The following DPP6 variants were observed in gnomAD, a reference collection of about 807,000 sequenced individuals.
DPP6 encodes dipeptidyl peptidase like 6.
Under a neutral mutation model 122.6 loss-of-function variants are expected in DPP6, and 69 were observed. That is an observed-to-expected ratio of 0.56 (90% CI 0.46 to 0.69). The LOEUF is 0.69. Among genes scored for constraint, DPP6 ranks in the 30% least tolerant of loss-of-function variants. DPP6 has a pLI of 0.00. For missense variants in DPP6, 928 were observed against 1,116.9 expected (o/e 0.83, Z 2.41); for synonymous variants, 418 against 433.1 (o/e 0.97, Z 0.43).
intron 1 of DPP6, among the ~76,000 whole-genome samples, chr7:154,142,934 A>G (rs1479008238): frequency 2.2e-5 from 3 of 138,444 alleles, no homozygotes; most frequent in East Asian, 2.0e-4. Flanking sequence ...AATTGGACAC[A>G]CCTTCACAGT....
At chr7:154,771,049 T>C (rs1249048392) in intron 9 of DPP6, among the ~76,000 whole-genome samples, 1 of 152,144 alleles carries the variant, frequency 6.6e-6, no homozygotes, top group African/African-American at 2.4e-5. Context: ...CATTTAAACC[T>C]CAGCATCCTA....
chr7:153,964,528 G>T (rs1288614161), intron 1 of DPP6, among the ~76,000 whole-genome samples: 1 of 152,174 alleles, frequency 6.6e-6, no homozygotes, highest in African/African-American at 2.4e-5. Context: ...CTGGGATCCA[G>T]GAGGCCTGGC....
At chr7:154,475,253 C>A (rs575156031) in intron 3 of DPP6, 63 of 524,482 alleles carry the variant, frequency 1.2e-4, no homozygotes, top group African/African-American at 9.7e-4. Flanking sequence ...TCCCGAGCAT[C>A]CACACAGCCT....
intron 3 of DPP6, among the ~76,000 whole-genome samples, chr7:154,498,504 A>C (rs1824949392): frequency 6.6e-6 from 1 of 151,954 alleles, no homozygotes; most frequent in African/African-American, 2.4e-5. Flanking sequence ...CACCTGATTA[A>C]TTTTTGTATT....
At chr7:154,869,644 C>T (rs1739702238) in intron 18 of DPP6, among the ~76,000 whole-genome samples, 1 of 152,200 alleles carries the variant, frequency 6.6e-6, no homozygotes, top group Non-Finnish European at 1.5e-5. Flanking sequence ...GGTGTGGGCC[C>T]TGCACAGGGA....
Position 154,658,613 on chromosome 7 carries a change from G to C in DPP6, c.681-10747G>C, listed in dbSNP as rs1365678572. 2.6e-5 allele frequency among the ~76,000 whole-genome samples: 4 copies of C among 152,190 alleles called. No homozygotes were observed. The South Asian group carries it at 8.3e-4, about 32-fold the overall frequency. ...CCCAGAGGCAAAGGCTGAGAGTGAG[G>C]CTGATGGAGAGGGAAGCCCTGTAGG... is the stretch of plus-strand genomic sequence containing the variant. On this transcript the variant is annotated intron_variant, in intron 6 of 25. Transcript: ENST00000377770.
chr7:154,857,747 T>C (rs758147756), intron 17 of DPP6, among the ~76,000 whole-genome samples: 10 of 152,180 alleles, frequency 6.6e-5, no homozygotes, highest in Non-Finnish European at 1.0e-4. Context: ...GCCTCTGCAG[T>C]GGATGAAGGG....
chr7:154,036,020 TTGTGTGTGTG>T (rs1162400104), intron 1 of DPP6, among the ~76,000 whole-genome samples: 4 of 54,548 alleles, frequency 7.3e-5, no homozygotes, highest in South Asian at 4.9e-4. Flanking sequence ...GCGCGCGCGC[TTGTGTGTGTG>T]TGTGTGTGTG....
intron 1 of DPP6, among the ~76,000 whole-genome samples, chr7:153,999,682 T>TG (rs1187478809): frequency 1.3e-5 from 2 of 152,152 alleles, no homozygotes; most frequent in Admixed American, 6.6e-5. Flanking sequence ...AACTTGGCAG[T>TG]GGGGGGTGGC....
At chr7:154,110,167 C>T (rs936017577) in intron 1 of DPP6, among the ~76,000 whole-genome samples, 8 of 152,070 alleles carry the variant, frequency 5.3e-5, no homozygotes, top group Middle Eastern at 3.4e-3. Flanking sequence ...GAGTTTTGTG[C>T]GAGAAAATGG....
intron 5 of DPP6, among the ~76,000 whole-genome samples, chr7:154,575,849 T>C (rs1283586350): frequency 6.6e-6 from 1 of 151,762 alleles, no homozygotes; most frequent in Admixed American, 6.6e-5. Flanking sequence ...AGTGGGGGAA[T>C]TGGAGGATTT....
At position 154,760,689 on chromosome 7, in the gene DPP6, G is replaced by A. The variant is rs1362556446; in HGVS notation, c.884-8728G>A. Among the ~76,000 whole-genome samples the A allele has an allele frequency of 6.6e-6, 1 of 152,134 alleles. No homozygotes were observed. Among genetic ancestry groups the A allele is most frequent in the Non-Finnish European group, 1.5e-5 (1 of 68,038 alleles). ...GCCACACTGGGACCTGTTTGAGCGTGAGGCAGGTGAGCAGAAGACATCAGG... is the reference window on the plus strand; with the variant it reads ...GCCACACTGGGACCTGTTTGAGCGTAAGGCAGGTGAGCAGAAGACATCAGG... On this transcript the variant is annotated intron_variant, in intron 8 of 25. Coordinates refer to ENST00000377770, the MANE Select transcript of DPP6 (RefSeq NM_130797.4). This position sits in a 1 kb window ranked among gnomAD's most constrained non-coding sequence, Gnocchi z 4.5.
intron 1 of DPP6, among the ~76,000 whole-genome samples, chr7:154,145,692 G>A (rs1300255108): frequency 3.0e-4 from 35 of 116,358 alleles, no homozygotes; most frequent in African/African-American, 8.8e-4. Flanking sequence ...TTTGGCTAAC[G>A]GTGCAGCTGA....
At chr7:154,298,207 G>T (rs1805666027) in intron 1 of DPP6, among the ~76,000 whole-genome samples, 1 of 151,794 alleles carries the variant, frequency 6.6e-6, no homozygotes, top group South Asian at 2.1e-4. Flanking sequence ...GCCCTGCCCT[G>T]CAGACTTCAC....
chr7:154,889,172 A>G, intron 23 of DPP6, 100 bp from the exon 24 acceptor site: 1 of 1,494,960 alleles, frequency 6.7e-7, no homozygotes, highest in South Asian at 1.4e-5. Flanking sequence ...TAGTGTTTTC[A>G]ATACACTTCA....
intron 16 of DPP6, among the ~76,000 whole-genome samples, chr7:154,810,724 G>A (rs1377589944): frequency 6.6e-6 from 1 of 151,922 alleles, no homozygotes. Flanking sequence ...CGGACCCCAG[G>A]TACAGCCACA....
Position 154,408,277 on chromosome 7 carries a change from A to C in DPP6, c.244-37937A>C, listed in dbSNP as rs150041544. On this transcript the variant is annotated intron_variant, in intron 1 of 25. Transcript: ENST00000377770. ...GTTCCTGTATTCAATGTGTAAATAC[A>C]GTGTTTTGGTCTCAAGGAGACTATA... 3.2e-3 allele frequency among the ~76,000 whole-genome samples: 495 copies of C among 152,340 alleles called. 4 individuals carry two copies. The highest frequency in any genetic ancestry group is 0.011 in the African/African-American group (473 of 41,586).
chr7:154,489,327 T>C lies in DPP6; in HGVS notation c.457+14290T>C, dbSNP rs1824070111. Among the ~76,000 whole-genome samples, 3 of 152,138 alleles carry C rather than the reference T, an allele frequency of 2.0e-5. No homozygotes were observed. The South Asian group carries it at 6.2e-4, about 32-fold the overall frequency. On this transcript the variant is annotated intron_variant, in intron 3 of 25. Coordinates refer to ENST00000377770, the MANE Select transcript of DPP6 (RefSeq NM_130797.4). ...ACATTTAAAATGCTTTAGGGGCCCT[T>C]TTGTGCAGGGCTGACACCCATATCC...
At chr7:153,865,191 A>AT in the DPP6 span, among the ~76,000 whole-genome samples, 40 of 152,312 alleles carry the variant, frequency 2.6e-4, no homozygotes, top group East Asian at 3.5e-3. Flanking sequence ...AAAGAAAAAC[A>AT]TTTTTTGGGT....
Sources: allele counts gnomAD v4.1 joint callset (sites outside exome capture counted in the v4.1 genomes callset), GRCh38; gene constraint gnomAD v4.1.1; non-coding constraint Gnocchi (gnomAD v3.1); transcripts MANE v1.5; gene names NCBI Gene and HGNC (gene_info 2026-07-23, HGNC 2026-07-21).